The following BRINP3 variants were observed in gnomAD, a reference collection of about 807,000 sequenced individuals.
The protein encoded by BRINP3 is BMP/retinoic acid inducible neural specific 3.
Under a neutral mutation model 71.0 loss-of-function variants are expected in BRINP3, and 19 were observed. The observed-to-expected ratio is 0.27, with a 90% CI of 0.19 to 0.39. The LOEUF (loss-of-function observed/expected upper bound fraction) is 0.39, where lower values mean the gene tolerates loss of function less well. Ranked by LOEUF, BRINP3 falls within the 10% of genes least tolerant of loss-of-function variation. The pLI, the probability that BRINP3 is intolerant of heterozygous loss-of-function variation, is 1.00. For missense variants in BRINP3, 959 were observed against 940.8 expected, an observed-to-expected ratio of 1.02 and a Z score of -0.25; for synonymous variants, 380 against 337.7, an observed-to-expected ratio of 1.13 and a Z score of -1.37.
At chr1:190,403,743 T>C (rs1288222383) in intron 2 of BRINP3, among the ~76,000 whole-genome samples, 1 of 152,204 alleles carries the variant, frequency 6.6e-6, no homozygotes, top group Non-Finnish European at 1.5e-5. Flanking sequence ...TTGAGCTTCT[T>C]CTAGTTTCAG....
intron 2 of BRINP3, among the ~76,000 whole-genome samples, chr1:190,449,248 C>A (rs1675440063): frequency 6.6e-6 from 1 of 151,912 alleles, no homozygotes; most frequent in Admixed American, 6.6e-5. Context: ...TATTATCACA[C>A]CCTCCAAACT....
At chr1:190,333,200 G>A (rs1003882220) in intron 2 of BRINP3, among the ~76,000 whole-genome samples, 25 of 151,860 alleles carry the variant, frequency 1.6e-4, no homozygotes, top group Admixed American at 5.9e-4. Context: ...ATTTATAGAT[G>A]AGAAAATCAA....
At chr1:190,122,428 C>G (rs1653743208) in intron 7 of BRINP3, among the ~76,000 whole-genome samples, 1 of 151,794 alleles carries the variant, frequency 6.6e-6, no homozygotes, top group Admixed American at 6.6e-5. Flanking sequence ...AATTCAAGCC[C>G]TTATAAGAAT....
intron 7 of BRINP3, among the ~76,000 whole-genome samples, chr1:190,159,911 A>G (rs538713983): frequency 6.6e-6 from 1 of 152,094 alleles, no homozygotes; most frequent in Non-Finnish European, 1.5e-5. Flanking sequence ...CAGCAAAAGA[A>G]ATCTATAATC....
At chr1:190,099,797 A>G (rs972189133) in intron 7 of BRINP3, among the ~76,000 whole-genome samples, 3 of 152,208 alleles carry the variant, frequency 2.0e-5, no homozygotes, top group African/African-American at 4.8e-5. Flanking sequence ...ATCTCATTAA[A>G]ATCAACAAGC....
At chr1:190,418,998 A>G (rs1673185925) in intron 2 of BRINP3, among the ~76,000 whole-genome samples, 2 of 152,130 alleles carry the variant, frequency 1.3e-5, no homozygotes, top group African/African-American at 4.8e-5. Flanking sequence ...TGTTTCTGAT[A>G]CTAAATGATT....
intron 2 of BRINP3, among the ~76,000 whole-genome samples, chr1:190,325,730 A>C (rs1464118604): frequency 6.6e-6 from 1 of 152,094 alleles, no homozygotes; most frequent in Non-Finnish European, 1.5e-5. Context: ...ATAACACTTC[A>C]TATGCTGATC....
intron 4 of BRINP3, among the ~76,000 whole-genome samples, chr1:190,246,543 C>A (rs1659631344): frequency 6.6e-6 from 1 of 151,978 alleles, no homozygotes. Context: ...AATGATTCTT[C>A]ACTGGGTAAA....
At chr1:190,331,371 T>C (rs889638006) in intron 2 of BRINP3, among the ~76,000 whole-genome samples, 1 of 152,012 alleles carries the variant, frequency 6.6e-6, no homozygotes, top group Non-Finnish European at 1.5e-5. Flanking sequence ...CTATGAAAAC[T>C]TACTGTCGTC....
rs2102234592 is a variant in BRINP3 at position 190,098,976 on chromosome 1, G to A, written c.1343C>T (p.Ala448Val). Residue 448 changes from alanine (A) to valine (V), a missense_variant, in exon 8 of 8, where the codon GCC becomes GTC. Physicochemically the swap from Ala to Val is moderately conservative, Grantham distance 64. Coordinates refer to ENST00000367462, the MANE Select transcript of BRINP3 (RefSeq NM_199051.3). ...GTTGTCTGGTGCGCATGTCAGGCAG[G>A]CAGAGGCGTCTCCCACTGTGCAGGG... ...FLPCTVGDAS[A>V]CLTCAPDNRT... 1.9e-6 allele frequency: 3 copies of A among 1,614,138 alleles called. No homozygotes were observed. Among genetic ancestry groups the A allele is most frequent in the Non-Finnish European group, 2.5e-6 (3 of 1,180,024 alleles).
At chr1:190,241,431 T>G (rs1343048752) in intron 4 of BRINP3, among the ~76,000 whole-genome samples, 1 of 152,092 alleles carries the variant, frequency 6.6e-6, no homozygotes, top group Admixed American at 6.6e-5. Flanking sequence ...TAACAAGTTT[T>G]GGAAACTTTG....
intron 7 of BRINP3, among the ~76,000 whole-genome samples, chr1:190,106,085 T>C (rs1465450525): frequency 1.3e-5 from 2 of 151,870 alleles, no homozygotes; most frequent in South Asian, 4.1e-4. Flanking sequence ...AAGTGATTAG[T>C]GTGATTGAGG....
At chr1:190,247,052 T>G (rs1034195424) in intron 4 of BRINP3, among the ~76,000 whole-genome samples, 1 of 151,922 alleles carries the variant, frequency 6.6e-6, no homozygotes, top group African/African-American at 2.4e-5. Flanking sequence ...AACTTGAAAA[T>G]TTTTTAAAAT....
chr1:190,183,638 AT>A (rs1311705293), intron 6 of BRINP3, among the ~76,000 whole-genome samples: 2 of 152,114 alleles, frequency 1.3e-5, no homozygotes, highest in Non-Finnish European at 2.9e-5. Flanking sequence ...CTCTGCAGAT[AT>A]CTCCACTGAT....
chr1:190,267,589 C>T (rs1339957628), intron 3 of BRINP3, among the ~76,000 whole-genome samples: 1 of 151,796 alleles, frequency 6.6e-6, no homozygotes, highest in Non-Finnish European at 1.5e-5. Flanking sequence ...AGCAGGTGTT[C>T]GTTGTTTTTT....
rs562876202 is a variant in BRINP3 at position 190,254,488 on chromosome 1, C to T, written c.618+10377G>A. On this transcript the variant is annotated intron_variant, in intron 4 of 7. Coordinates refer to ENST00000367462, the MANE Select transcript of BRINP3 (RefSeq NM_199051.3). ...TAGTTCTCCTTGAAGAGGTCCTTCA[C>T]ATCCCTTGTAAGTTGGATTCCTAGG... Among the ~76,000 whole-genome samples, 8 of 152,238 alleles carry T rather than the reference C, an allele frequency of 5.3e-5. No individual in the cohort carries two copies. In the East Asian group the frequency reaches 9.6e-4, roughly 18 times the overall value.
chr1:190,359,280 A>G (rs1450847199), intron 2 of BRINP3, among the ~76,000 whole-genome samples: 4 of 152,086 alleles, frequency 2.6e-5, no homozygotes, highest in Non-Finnish European at 4.4e-5. Flanking sequence ...GGAGGTATTT[A>G]TTTCCCTTGG....
intron 6 of BRINP3, among the ~76,000 whole-genome samples, chr1:190,199,283 T>C (rs760842081): frequency 2.0e-5 from 3 of 152,140 alleles, no homozygotes; most frequent in East Asian, 1.9e-4. Context: ...AGCTAAACCA[T>C]ATGAATTATC....
intron 6 of BRINP3, among the ~76,000 whole-genome samples, chr1:190,193,650 T>G (rs1654239045): frequency 6.6e-6 from 1 of 152,064 alleles, no homozygotes; most frequent in Admixed American, 6.6e-5. Context: ...TGACTAAACT[T>G]TAGACAGATT....
Sources: gnomAD v4.1 joint callset for allele counts (sites outside exome capture counted in the v4.1 genomes callset) on GRCh38, gnomAD v4.1.1 for gene constraint, MANE v1.5 for transcripts, NCBI Gene and HGNC (gene_info 2026-07-23, HGNC 2026-07-21) for gene names.